TNIK: variants seen among roughly 807,000 people sequenced by gnomAD.
The protein encoded by TNIK is TRAF2 and NCK-interacting protein kinase.
In TNIK, 49 loss-of-function variants were observed where a neutral mutation model predicts 191.3. The ratio of observed to expected loss-of-function variants is 0.26; its 90% confidence interval spans 0.20 to 0.32. The LOEUF (loss-of-function observed/expected upper bound fraction) is 0.32. Among genes scored for constraint, TNIK ranks in the 10% least tolerant of loss-of-function variants. The probability of loss-of-function intolerance (pLI) is 1.00; values close to 1 mark genes in which losing one functional copy is unlikely to be tolerated. For missense variants in TNIK, 1,155 were observed against 1,702.3 expected (o/e 0.68, Z 5.66); for synonymous variants, 594 against 600.9 (o/e 0.99, Z 0.17).
intron 2 of TNIK, among the ~76,000 whole-genome samples, chr3:171,360,717 C>G (rs1162591012): frequency 6.6e-6 from 1 of 152,208 alleles, no homozygotes; most frequent in African/African-American, 2.4e-5. Context: ...CTACCTCTCC[C>G]TAGAGTACCT....
At chr3:171,207,047 C>T (rs1740181506) in intron 4 of TNIK, among the ~76,000 whole-genome samples, 1 of 151,672 alleles carries the variant, frequency 6.6e-6, no homozygotes, top group Non-Finnish European at 1.5e-5. Flanking sequence ...AAATTGAGAA[C>T]CATAGCCCTG....
intron 1 of TNIK, among the ~76,000 whole-genome samples, chr3:171,375,898 C>T (rs1307162769): frequency 6.6e-6 from 1 of 152,126 alleles, no homozygotes; most frequent in African/African-American, 2.4e-5. Flanking sequence ...AAGACACAGC[C>T]GTTCTGTGAC....
chr3:171,234,831 C>T (rs961175466), intron 2 of TNIK, among the ~76,000 whole-genome samples: 4 of 152,162 alleles, frequency 2.6e-5, no homozygotes, highest in Admixed American at 6.5e-5. Context: ...ACGAGGCAGA[C>T]AAGATGAGGG....
At chr3:171,245,826 T>G (rs550329838) in intron 2 of TNIK, among the ~76,000 whole-genome samples, 4 of 152,344 alleles carry the variant, frequency 2.6e-5, no homozygotes, top group African/African-American at 9.6e-5. Flanking sequence ...ATCATGACTT[T>G]CTTTTGTTAT....
At chr3:171,140,577 G>A (rs1398465989) in intron 12 of TNIK, 68 bp from the exon 13 acceptor site, 1 of 1,472,478 alleles carries the variant, frequency 6.8e-7, no homozygotes, top group Non-Finnish European at 9.4e-7. Context: ...GGAGCCAGCA[G>A]GAAAAGCTGT....
At chr3:171,228,100 G>A (rs1743170315) in intron 3 of TNIK, 65 bp downstream of exon 3, 1 of 1,546,348 alleles carries the variant, frequency 6.5e-7, no homozygotes, top group South Asian at 1.1e-5. Context: ...CTATCAGGAT[G>A]TGAACTCATC....
intron 1 of TNIK, among the ~76,000 whole-genome samples, chr3:171,373,035 G>A (rs756936686): frequency 2.6e-5 from 4 of 152,050 alleles, no homozygotes; most frequent in African/African-American, 4.8e-5. Flanking sequence ...CAATCCAAGC[G>A]CCTGGAGAGC....
chr3:171,246,097 G>T (rs1208406169), intron 2 of TNIK, among the ~76,000 whole-genome samples: 1 of 152,104 alleles, frequency 6.6e-6, no homozygotes, highest in Admixed American at 6.5e-5. Context: ...CGAGTGTGCT[G>T]CAGGAGAGGG....
At chr3:171,207,815 A>G (rs1740290918) in intron 4 of TNIK, among the ~76,000 whole-genome samples, 1 of 152,214 alleles carries the variant, frequency 6.6e-6, no homozygotes, top group Non-Finnish European at 1.5e-5. Flanking sequence ...TGAGCTCTCA[A>G]AAGTACCTGT....
At chr3:171,132,238 C>T (rs1421293459) in intron 15 of TNIK, among the ~76,000 whole-genome samples, 1 of 152,146 alleles carries the variant, frequency 6.6e-6, no homozygotes, top group East Asian at 1.9e-4. Context: ...AAGGAATTAT[C>T]AGAAATACAG....
intron 1 of TNIK, among the ~76,000 whole-genome samples, chr3:171,454,155 G>A (rs1728521602): frequency 6.6e-6 from 1 of 152,196 alleles, no homozygotes; most frequent in Non-Finnish European, 1.5e-5. Flanking sequence ...TCAGACTCAA[G>A]TTACTCCAGA....
intron 28 of TNIK, among the ~76,000 whole-genome samples, chr3:171,077,706 T>C (rs575813221): frequency 6.6e-6 from 1 of 152,044 alleles, no homozygotes; most frequent in African/African-American, 2.4e-5. Flanking sequence ...AATGAGCTTG[T>C]TGACTGAAAA....
At chr3:171,084,685 A>G (rs552419063) in intron 25 of TNIK, among the ~76,000 whole-genome samples, 1 of 152,346 alleles carries the variant, frequency 6.6e-6, no homozygotes, top group South Asian at 2.1e-4. Flanking sequence ...ATGATTAATT[A>G]CTTGAAGAAG....
intron 2 of TNIK, among the ~76,000 whole-genome samples, chr3:171,327,695 C>T (rs920819028): frequency 7.9e-5 from 12 of 151,718 alleles, no homozygotes; most frequent in African/African-American, 1.7e-4. Context: ...TTTTGGTGGG[C>T]GGGGTGGGAG....
At position 171,301,314 on chromosome 3, in the gene TNIK, C is replaced by CTTT. The variant is rs36084093; in HGVS notation, c.123+68303_123+68305dup. Among the ~76,000 whole-genome samples, 512 of 133,662 alleles carry CTTT rather than the reference C, an allele frequency of 3.8e-3. 9 individuals are homozygous for CTTT. Among genetic ancestry groups the CTTT allele is most frequent in the Non-Finnish European group, 6.4e-3 (399 of 62,482 alleles). 87.7% of individuals were successfully genotyped at this position (133,662 alleles called of 152,430 possible). ...ACACTGTATCAAACAACTAGCTGGA[C>CTTT]TTTTTTTTTTTTTTTTTGAGATGGA... On this transcript the variant is annotated intron_variant, in intron 2 of 32. Transcript: ENST00000436636.
At chr3:171,396,088 C>T (rs765732402) in intron 1 of TNIK, among the ~76,000 whole-genome samples, 18 of 152,040 alleles carry the variant, frequency 1.2e-4, no homozygotes, top group Non-Finnish European at 1.9e-4. Flanking sequence ...CCTGTAGCTA[C>T]CACTCCTCAG....
In TNIK at chr3:171,188,832, A is replaced by G; in HGVS notation, c.509T>C (p.Val170Ala). The part of the protein sequence containing the change: ...LLTENAEVKL[V>A]DFGVSAQLDR... ...AAGCTGAGCACTGACTCCAAAGTCCACTATTTAAGAAAAGACAAGTAAATA... is the reference window on the plus strand; with the variant it reads ...AAGCTGAGCACTGACTCCAAAGTCCGCTATTTAAGAAAAGACAAGTAAATA... The change falls in exon 7 of 33, where the codon GTG becomes GCG. Residue 170 changes from valine (V) to alanine (A), a missense_variant and splice_region_variant. Val to Ala is a moderately conservative substitution (Grantham distance 64). Around this residue, in one of 3 missense-constraint regions of TNIK, gnomAD observed 225 missense variants for 438.9 expected, o/e 0.51. Coordinates refer to ENST00000436636, the MANE Select transcript of TNIK (RefSeq NM_015028.4). 6.2e-7 allele frequency: 1 copy of G among 1,612,838 alleles called. No individual in the cohort carries two copies. Among genetic ancestry groups the G allele is most frequent in the Non-Finnish European group, 8.5e-7 (1 of 1,179,206 alleles).
intron 4 of TNIK, among the ~76,000 whole-genome samples, chr3:171,209,934 G>A (rs1330490847): frequency 6.6e-6 from 1 of 152,050 alleles, no homozygotes; most frequent in African/African-American, 2.4e-5. Context: ...ACTTCTGCCC[G>A]AGGCTGAGTA....
At chr3:171,070,448 GAGAGAGAGAGAGACAGAGAGAGATC>G (rs1010588018) in intron 29 of TNIK, among the ~76,000 whole-genome samples, 1 of 148,870 alleles carries the variant, frequency 6.7e-6, no homozygotes, top group African/African-American at 2.6e-5. Context: ...GACATAAGCT[GAGAGAGAGAGAGACAGAGAGAGATC>G]AGAGAGAGAG....
Sources: allele counts gnomAD v4.1 joint callset (sites outside exome capture counted in the v4.1 genomes callset), GRCh38; gene constraint gnomAD v4.1.1; regional missense constraint gnomAD v4.1.1; transcripts MANE v1.5; gene names NCBI Gene and HGNC (gene_info 2026-07-23, HGNC 2026-07-21).